The following PRKG1 variants were observed in gnomAD, a reference collection of about 807,000 sequenced individuals.
PRKG1 encodes cGMP-dependent protein kinase 1.
In PRKG1, 35 loss-of-function variants were observed where a neutral mutation model predicts 88.1. The observed-to-expected ratio is 0.40, with a 90% CI of 0.30 to 0.53. The LOEUF is 0.53. PRKG1 is among the 20% of genes least tolerant of loss of function. PRKG1 has a pLI of 0.59. For missense variants in PRKG1, 540 were observed against 839.8 expected (o/e 0.64, Z 4.41); for synonymous variants, 303 against 292.5 (o/e 1.04, Z -0.37).
At chr10:52,032,414 C>A (rs941692730) in intron 5 of PRKG1, among the ~76,000 whole-genome samples, 5 of 152,126 alleles carry the variant, frequency 3.3e-5, no homozygotes, top group African/African-American at 1.2e-4. Context: ...AAATAGAGAT[C>A]ATAATAAATA....
chr10:51,263,664 A>G (rs1185060516), intron 2 of PRKG1, among the ~76,000 whole-genome samples: 1 of 152,222 alleles, frequency 6.6e-6, no homozygotes, highest in African/African-American at 2.4e-5. Flanking sequence ...CATGTAACGT[A>G]TATGATAAAG....
chr10:51,945,391 G>T (rs1412095389), intron 5 of PRKG1, among the ~76,000 whole-genome samples: 2 of 150,974 alleles, frequency 1.3e-5, no homozygotes, highest in Non-Finnish European at 2.9e-5. Flanking sequence ...CACACTGATG[G>T]GTCTTGACTC....
In PRKG1 at chr10:51,340,330, G is replaced by A. The variant is rs74131615; in HGVS notation, c.479-127393G>A. On this transcript the variant is annotated intron_variant, in intron 2 of 17. Transcript: ENST00000373980. Reference sequence around the variant, plus strand: ...AAGAGGTTCTTTCTAAGAATATATTGTACTTAACTGATGGACAAGGTTTTG... The same window carrying A: ...AAGAGGTTCTTTCTAAGAATATATTATACTTAACTGATGGACAAGGTTTTG... 8.2e-3 allele frequency among the ~76,000 whole-genome samples: 1,242 copies of A among 152,032 alleles called. 16 individuals carry two copies. The highest frequency in any genetic ancestry group is 0.029 in the African/African-American group (1,188 of 41,500).
rs866066261 is a variant in PRKG1 at position 51,087,769 on chromosome 10, T to C, written c.311+12868T>C. ...TACTATATTCAATTTTGGTTTGCTG[T>C]TTTGTTTTGTTTTGAGACATGGTCT... On this transcript the variant is annotated intron_variant, in intron 1 of 17. Transcript: ENST00000373980. Among the ~76,000 whole-genome samples, 5 of 152,286 alleles carry C rather than the reference T, an allele frequency of 3.3e-5. No individual in the cohort carries two copies. The East Asian group carries it at 9.6e-4, about 29-fold the overall frequency.
chr10:51,006,025 C>T (rs1247101851), intron 1 of PRKG1, among the ~76,000 whole-genome samples: 3 of 152,154 alleles, frequency 2.0e-5, no homozygotes, highest in African/African-American at 4.8e-5. Flanking sequence ...ACTCTGAAGG[C>T]TGGAGGGGGA....
chr10:51,525,421 G>A (rs562318699), intron 3 of PRKG1, among the ~76,000 whole-genome samples: 37 of 152,290 alleles, frequency 2.4e-4, no homozygotes, highest in African/African-American at 6.3e-4. Flanking sequence ...AAATGCAGCC[G>A]GGTGCAGTGG....
At chr10:51,674,243 A>G (rs1424872466) in intron 3 of PRKG1, among the ~76,000 whole-genome samples, 11 of 152,088 alleles carry the variant, frequency 7.2e-5, no homozygotes, top group Non-Finnish European at 1.6e-4. Flanking sequence ...ATAAATATAC[A>G]TGTGCCATGG....
At chr10:52,257,990 C>T (rs1457049801) in intron 10 of PRKG1, among the ~76,000 whole-genome samples, 2 of 139,208 alleles carry the variant, frequency 1.4e-5, no homozygotes, top group African/African-American at 5.0e-5. Flanking sequence ...ATTACTTCAT[C>T]TCATTATTGT....
chr10:52,137,060 A>G (rs1837443984), intron 8 of PRKG1, among the ~76,000 whole-genome samples: 1 of 152,124 alleles, frequency 6.6e-6, no homozygotes, highest in Non-Finnish European at 1.5e-5. Context: ...GGCCAATTAG[A>G]AGAGCACCAG....
In PRKG1 at chr10:51,521,823, C is replaced by T. The variant is rs991412347; in HGVS notation, c.592+53987C>T. ...TCATTTCAGTACTGTAAATGAAAGT[C>T]GTGTGAATAATTTTTTTAAGTTTCT... is the stretch of plus-strand genomic sequence containing the variant. On this transcript the variant is annotated intron_variant, in intron 3 of 17. Coordinates refer to ENST00000373980, the MANE Select transcript of PRKG1 (RefSeq NM_006258.4). Among the ~76,000 whole-genome samples the T allele has an allele frequency of 2.2e-4, 34 of 152,092 alleles. 1 individual carries two copies. The highest frequency in any genetic ancestry group is 1.9e-3 in the Admixed American group (29 of 15,278).
chr10:51,398,496 C>T (rs1281158645), intron 2 of PRKG1, among the ~76,000 whole-genome samples: 4 of 152,168 alleles, frequency 2.6e-5, no homozygotes, highest in Admixed American at 2.6e-4. Flanking sequence ...CCTTAAGGAA[C>T]CAAGAACAAA....
intron 2 of PRKG1, among the ~76,000 whole-genome samples, chr10:51,203,598 C>T (rs1483145583): frequency 3.3e-5 from 5 of 152,156 alleles, no homozygotes; most frequent in Non-Finnish European, 7.4e-5. Flanking sequence ...TCAAACAGCA[C>T]TGTGGAAAGG....
At chr10:51,383,212 C>T (rs182736698) in intron 2 of PRKG1, among the ~76,000 whole-genome samples, 1 of 152,090 alleles carries the variant, frequency 6.6e-6, no homozygotes, top group African/African-American at 2.4e-5. Flanking sequence ...CAATAGACAA[C>T]CAAATATCGC....
chr10:52,121,551 T>G (rs1420654986), intron 7 of PRKG1, among the ~76,000 whole-genome samples: 1 of 152,234 alleles, frequency 6.6e-6, no homozygotes, highest in Non-Finnish European at 1.5e-5. Context: ...AATCCTTTGC[T>G]GCTTAGCTAT....
intron 2 of PRKG1, among the ~76,000 whole-genome samples, chr10:51,283,769 T>C (rs1181881556): frequency 6.6e-6 from 1 of 152,146 alleles, no homozygotes; most frequent in East Asian, 1.9e-4. Flanking sequence ...GTGTTATAGC[T>C]AAGTGAAATC....
In PRKG1 at chr10:52,058,967, A is replaced by C. The variant is rs941371336; in HGVS notation, c.841-3570A>C. Among the ~76,000 whole-genome samples the C allele has an allele frequency of 2.6e-5, 4 of 152,096 alleles. No individual in the cohort carries two copies. In the East Asian group the frequency reaches 7.7e-4, roughly 29 times the overall value. On this transcript the variant is annotated intron_variant, in intron 6 of 17. Coordinates refer to ENST00000373980, the MANE Select transcript of PRKG1 (RefSeq NM_006258.4). ...TATTTAAAAAAACACCTAAAAATCA[A>C]CAAAAAACACCAAAGTACCCACTTT...
intron 3 of PRKG1, among the ~76,000 whole-genome samples, chr10:51,539,066 A>G (rs1842235347): frequency 6.6e-6 from 1 of 152,110 alleles, no homozygotes; most frequent in African/African-American, 2.4e-5. Flanking sequence ...TAATAGAGGA[A>G]ATTAATTTTA....
At chr10:51,435,096 A>G (rs1838882724) in intron 2 of PRKG1, among the ~76,000 whole-genome samples, 1 of 152,096 alleles carries the variant, frequency 6.6e-6, no homozygotes, top group African/African-American at 2.4e-5. Context: ...AAAGGCAGGA[A>G]TTGTAGATAC....
intron 5 of PRKG1, among the ~76,000 whole-genome samples, chr10:51,963,148 G>C (rs1029391635): frequency 6.6e-6 from 1 of 152,058 alleles, no homozygotes; most frequent in African/African-American, 2.4e-5. Flanking sequence ...CTAAAAATTT[G>C]ATAATGAATG....
Sources: allele counts gnomAD v4.1 joint callset (sites outside exome capture counted in the v4.1 genomes callset), GRCh38; gene constraint gnomAD v4.1.1; transcripts MANE v1.5; gene names NCBI Gene and HGNC (gene_info 2026-07-23, HGNC 2026-07-21).